The following IGSF21 variants were observed in gnomAD, a reference collection of about 807,000 sequenced individuals.
IGSF21 encodes the protein immunoglobin superfamily member 21, also known as immunoglobulin superfamily member 21.
Under a neutral mutation model 46.8 loss-of-function variants are expected in IGSF21, and 28 were observed. That is an observed-to-expected ratio of 0.60 (90% CI 0.44 to 0.82). The LOEUF (loss-of-function observed/expected upper bound fraction) is 0.82, where lower values mean the gene tolerates loss of function less well. Among genes scored for constraint, IGSF21 ranks in the 40% least tolerant of loss-of-function variants. The probability of loss-of-function intolerance (pLI) is 0.00; values close to 1 mark genes in which losing one functional copy is unlikely to be tolerated. For synonymous variants in IGSF21, 284 were observed against 273.6 expected, an observed-to-expected ratio of 1.04 and a Z score of -0.38; for missense variants, 624 against 665.5, an observed-to-expected ratio of 0.94 and a Z score of 0.69.
At chr1:18,133,011 G>A (rs1343619678) in intron 1 of IGSF21, among the ~76,000 whole-genome samples, 1 of 151,966 alleles carries the variant, frequency 6.6e-6, no homozygotes, top group Non-Finnish European at 1.5e-5. Context: ...CCTAAATAGA[G>A]TTATATTCAT....
At chr1:18,377,042 C>T in intron 8 of IGSF21, 50 bp downstream of exon 8, 2 of 1,536,112 alleles carry the variant, frequency 1.3e-6, no homozygotes, top group African/African-American at 1.4e-5. Context: ...GGGGCGGGTC[C>T]TGTCTGGGAG....
intron 3 of IGSF21, among the ~76,000 whole-genome samples, chr1:18,317,358 G>C (rs192476372): frequency 2.0e-5 from 3 of 152,284 alleles, no homozygotes; most frequent in Admixed American, 2.0e-4. Context: ...ATTGCACAGA[G>C]AGGTTAAGCA....
chr1:18,239,506 A>G (rs1569603021), intron 2 of IGSF21, among the ~76,000 whole-genome samples: 1 of 152,270 alleles, frequency 6.6e-6, no homozygotes, highest in South Asian at 2.1e-4. Context: ...GTTCAAGGTC[A>G]TTGGCCCAGC....
At chr1:18,224,154 G>A (rs561172054) in intron 1 of IGSF21, among the ~76,000 whole-genome samples, 12 of 152,254 alleles carry the variant, frequency 7.9e-5, no homozygotes, top group African/African-American at 2.6e-4. Context: ...TGCACTGCAG[G>A]CCCCTTGCTT....
At chr1:18,272,815 C>G (rs746087587) in intron 2 of IGSF21, among the ~76,000 whole-genome samples, 3 of 152,144 alleles carry the variant, frequency 2.0e-5, no homozygotes, top group Non-Finnish European at 2.9e-5. Context: ...TTAAAGATCC[C>G]TCCCCCAGAA....
intron 1 of IGSF21, among the ~76,000 whole-genome samples, chr1:18,191,273 C>A (rs185042786): frequency 6.6e-6 from 1 of 152,118 alleles, no homozygotes; most frequent in Non-Finnish European, 1.5e-5. Flanking sequence ...TAATAGTGCC[C>A]GTCTCACCAG....
chr1:18,330,332 T>C (rs1396177917), intron 3 of IGSF21, among the ~76,000 whole-genome samples: 7 of 152,236 alleles, frequency 4.6e-5, no homozygotes, highest in Non-Finnish European at 8.8e-5. Context: ...AGTGGGGGGA[T>C]CCTGGCCATG....
chr1:18,283,827 G>A (rs752614376), intron 2 of IGSF21, among the ~76,000 whole-genome samples: 2 of 152,086 alleles, frequency 1.3e-5, no homozygotes, highest in Non-Finnish European at 2.9e-5. Flanking sequence ...CCTCCTAACT[G>A]GGAATCAGGG....
intron 3 of IGSF21, among the ~76,000 whole-genome samples, chr1:18,318,452 G>A (rs530521713): frequency 8.2e-5 from 11 of 133,990 alleles, no homozygotes; most frequent in Admixed American, 1.5e-4. Flanking sequence ...GTGCATGCAC[G>A]TGTGCGTGCG....
chr1:18,178,715 G>C (rs550424153), intron 1 of IGSF21, among the ~76,000 whole-genome samples: 26 of 152,162 alleles, frequency 1.7e-4, no homozygotes, highest in Non-Finnish European at 3.2e-4. Context: ...CCCTGGGGTC[G>C]GCTTCTCCGG....
rs111721151 is a variant in IGSF21 at position 18,225,062 on chromosome 1, A to ATCTCTC, written c.71-2817_71-2812dup. Among the ~76,000 whole-genome samples, 56 of 63,800 alleles carry ATCTCTC rather than the reference A, an allele frequency of 8.8e-4. 2 individuals are homozygous for ATCTCTC. Among genetic ancestry groups the ATCTCTC allele is most frequent in the African/African-American group, 3.0e-3 (51 of 16,954 alleles). 41.9% of individuals were successfully genotyped at this position (63,800 alleles called of 152,430 possible). A position where few individuals can be genotyped will look rare whatever the true frequency, so the allele number is the denominator to read the frequency against. ...CCTGGATGACAGAGTGAGACTCTGT[A>ATCTCTC]TCTCTCTCTCTCTCTCTCTCTCTCA... On this transcript the variant is annotated intron_variant, in intron 1 of 9. Transcript: ENST00000251296.
At chr1:18,327,678 T>C (rs1481454982) in intron 3 of IGSF21, among the ~76,000 whole-genome samples, 2 of 152,242 alleles carry the variant, frequency 1.3e-5, no homozygotes, top group East Asian at 3.9e-4. Flanking sequence ...TTATATAAAA[T>C]CCTAGGAATC....
chr1:18,328,814 T>G (rs1032322092), intron 3 of IGSF21, among the ~76,000 whole-genome samples: 2 of 152,174 alleles, frequency 1.3e-5, no homozygotes, highest in African/African-American at 4.8e-5. Context: ...GTCTCCATTC[T>G]ATGAAAATCT....
intron 1 of IGSF21, among the ~76,000 whole-genome samples, chr1:18,202,924 G>C (rs1198661167): frequency 6.6e-6 from 1 of 152,178 alleles, no homozygotes; most frequent in East Asian, 1.9e-4. Context: ...AGGGAAAGGT[G>C]CCATGGGCCT....
At chr1:18,193,145 G>A (rs955033472) in intron 1 of IGSF21, among the ~76,000 whole-genome samples, 3 of 152,220 alleles carry the variant, frequency 2.0e-5, no homozygotes, top group African/African-American at 2.4e-5. Flanking sequence ...ATTTGACACC[G>A]ACAGCTGAGT....
intron 3 of IGSF21, among the ~76,000 whole-genome samples, chr1:18,292,862 T>C (rs1439861339): frequency 6.6e-6 from 1 of 152,168 alleles, no homozygotes; most frequent in South Asian, 2.1e-4. Flanking sequence ...TCTCACTGCA[T>C]TCATGAAGAG....
At chr1:18,173,024 C>G (rs561506484) in intron 1 of IGSF21, among the ~76,000 whole-genome samples, 224 of 152,328 alleles carry the variant, frequency 1.5e-3, no homozygotes, top group African/African-American at 4.2e-3. Flanking sequence ...TGCGGTGGCT[C>G]ACGCCTGTAA....
chr1:18,271,689 G>T (rs2085044034), intron 2 of IGSF21, among the ~76,000 whole-genome samples: 1 of 152,194 alleles, frequency 6.6e-6, no homozygotes, highest in Admixed American at 6.5e-5. Context: ...GTCTCTAGAA[G>T]GAGCAACATG....
intron 2 of IGSF21, among the ~76,000 whole-genome samples, chr1:18,243,602 T>G (rs2084754570): frequency 6.6e-6 from 1 of 152,060 alleles, no homozygotes; most frequent in African/African-American, 2.4e-5. Context: ...GTCTTATCAT[T>G]CCTCAGTTTT....
Sources: gnomAD v4.1 joint callset for allele counts (sites outside exome capture counted in the v4.1 genomes callset) on GRCh38, gnomAD v4.1.1 for gene constraint, MANE v1.5 for transcripts, NCBI Gene and HGNC (gene_info 2026-07-23, HGNC 2026-07-21) for gene names.